FLCN: variants seen among roughly 807,000 people sequenced by gnomAD.
FLCN encodes the protein BHD skin lesion fibrofolliculoma protein.
In FLCN, 22 loss-of-function variants were observed where a neutral mutation model predicts 62.5. The ratio of observed to expected loss-of-function variants is 0.35; its 90% CI spans 0.25 to 0.50. The LOEUF (loss-of-function observed/expected upper bound fraction) is 0.50. FLCN is among the 20% of genes least tolerant of loss of function. FLCN has a pLI of 0.97. For missense variants in FLCN, 657 were observed against 778.0 expected, an observed-to-expected ratio of 0.84 and a Z score of 1.85; for synonymous variants, 319 against 310.0, an observed-to-expected ratio of 1.03 and a Z score of -0.30.
Position 17,219,213 on chromosome 17 carries a change from C to T in FLCN, c.872-4G>A, listed in dbSNP as rs752727873. ...CTTTCTGATTCCTCTTCTAAATCTG[C>T]AAGACAGATGACAAGGACAGTTACA... On this transcript the variant is annotated splice_region_variant and splice_polypyrimidine_tract_variant and intron_variant, in intron 8 of 13. Coordinates refer to ENST00000285071, the MANE Select transcript of FLCN (RefSeq NM_144997.7). 24 of 1,613,714 alleles carry T rather than the reference C, an allele frequency of 1.5e-5. No individual in the cohort carries two copies. The highest frequency in any genetic ancestry group is 2.0e-5 in the Non-Finnish European group (24 of 1,180,000).
chr17:17,228,085 G>C lies in FLCN; in HGVS notation c.53C>G (p.Thr18Ser), dbSNP rs2047314341. 1 of 1,613,604 alleles carries C rather than the reference G, an allele frequency of 6.2e-7. No homozygotes were observed. The highest frequency in any genetic ancestry group is 8.5e-7 in the Non-Finnish European group (1 of 1,180,040). ...CHFCELHGPRTLFCTEVLHAP... is the reference protein window; with the variant it reads ...CHFCELHGPRSLFCTEVLHAP... The stretch of plus-strand genomic sequence containing the variant: ...GTGCAGCACCTCCGTGCAGAAGAGA[G>C]TGCGGGGGCCGTGGAGCTCGCAGAA... Residue 18 changes from threonine (T) to serine (S), a missense_variant, in exon 4 of 14, where the codon ACT becomes AGT. Transcript: ENST00000285071.
Position 17,213,351 on chromosome 17 carries a change from C to T in FLCN, c.*304G>A. On this transcript the variant is annotated 3_prime_UTR_variant, in exon 14 of 14. Coordinates refer to ENST00000285071, the MANE Select transcript of FLCN (RefSeq NM_144997.7). ...CTCCTGCGGGTTTTGAGTCTAAGTC[C>T]ACAAGGGGCCTGGGAGGCAAGCTGT... 1 of 527,488 alleles carries T rather than the reference C, an allele frequency of 1.9e-6. No individual in the cohort carries two copies. Among genetic ancestry groups the T allele is most frequent in the South Asian group, 2.1e-5 (1 of 47,930 alleles). The allele number at this position is 527,488 out of a possible 1,614,324, so 32.7% of individuals were successfully genotyped here. A position where few individuals can be genotyped will look rare whatever the true frequency, so the allele number is the denominator to read the frequency against.
chr17:17,231,218 T>G lies in FLCN; in HGVS notation c.-25+576A>C, dbSNP rs560136774. 2.4e-4 allele frequency among the ~76,000 whole-genome samples: 36 copies of G among 152,240 alleles called. 1 individual carries two copies. The East Asian group carries it at 5.2e-3, about 22-fold the overall frequency. On this transcript the variant is annotated intron_variant, in intron 3 of 13. Coordinates refer to ENST00000285071, the MANE Select transcript of FLCN (RefSeq NM_144997.7). ...GTCTCAAAATAAATAATGAATTAATTAATTAATATATTAGCTAGGACAAAA... is the reference window on the plus strand; with the variant it reads ...GTCTCAAAATAAATAATGAATTAATGAATTAATATATTAGCTAGGACAAAA...
intron 12 of FLCN, 24 bp from the exon 13 acceptor site, chr17:17,215,114 G>A: frequency 6.2e-7 from 1 of 1,613,928 alleles, no homozygotes; most frequent in Non-Finnish European, 8.5e-7. Flanking sequence ...CAGGGGCAGA[G>A]CAAGGGCAGG....
intron 3 of FLCN, among the ~76,000 whole-genome samples, chr17:17,230,405 C>A (rs2047384554): frequency 6.6e-6 from 1 of 152,046 alleles, no homozygotes; most frequent in South Asian, 2.1e-4. Context: ...GTGGTGTGCG[C>A]TGGTAGTCCC....
rs565505709 is a variant in FLCN at position 17,228,199 on chromosome 17, T to A, written c.-24-38A>T. The A allele has an allele frequency of 2.4e-4, 378 of 1,588,618 alleles. 3 individuals carry two copies. The South Asian group carries it at 4.0e-3, about 17-fold the overall frequency. ...GGGGACATGTCAGCTTGCCAATGCC[T>A]ATTGACTCCATGAAACCTCCCCAGC... On this transcript the variant is annotated intron_variant, in intron 3 of 13. Coordinates refer to ENST00000285071, the MANE Select transcript of FLCN (RefSeq NM_144997.7).
chr17:17,214,719 G>A (rs1330767319), intron 13 of FLCN, among the ~76,000 whole-genome samples: 1 of 152,084 alleles, frequency 6.6e-6, no homozygotes, highest in Admixed American at 6.5e-5. Context: ...ACCCTCCTGT[G>A]AGCTTGGAGC....
rs1048712266 is a variant in FLCN, at chr17:17,221,412, G to A, written c.871+125C>T. On this transcript the variant is annotated intron_variant, in intron 8 of 13. Transcript: ENST00000285071. ...AGATCGGAGGGTGAGCTTCCCGAAG[G>A]CTCGTTCTGGGCTGATTCAGAGCCG... is the stretch of plus-strand genomic sequence containing the variant. The A allele has an allele frequency of 3.1e-6, 5 of 1,613,458 alleles. No homozygotes were observed. The East Asian group carries it at 8.9e-5, about 29-fold the overall frequency.
chr17:17,234,591 C>A (rs1396942746), intron 1 of FLCN, among the ~76,000 whole-genome samples: 1 of 151,870 alleles, frequency 6.6e-6, no homozygotes, highest in Non-Finnish European at 1.5e-5. Flanking sequence ...AGCCTGTAAT[C>A]CCAGCACTTT....
intron 9 of FLCN, 58 bp from the exon 10 acceptor site, chr17:17,217,240 T>G: frequency 1.7e-6 from 2 of 1,153,660 alleles, no homozygotes; most frequent in Non-Finnish European, 2.6e-6. Context: ...TTTCTCTCCC[T>G]TCCCATGAAG....
chr17:17,226,224 C>CT lies in FLCN; in HGVS notation c.347dup (p.Leu117AlafsTer16), dbSNP rs776896550. The CT allele has an allele frequency of 1.2e-6, 2 of 1,614,060 alleles. No individual in the cohort carries two copies. Among genetic ancestry groups the CT allele is most frequent in the Non-Finnish European group, 1.7e-6 (2 of 1,180,016 alleles). On this transcript the variant is annotated frameshift_variant, in exon 5 of 14. Transcript: ENST00000285071. LOFTEE classifies it high-confidence loss of function. ...AGGCCTGGCGGACAATGCTGAAGAGCTGGGGGTGGCTGGGGTGCTGGTGGC... is the reference window on the plus strand; with the variant it reads ...AGGCCTGGCGGACAATGCTGAAGAGCTTGGGGGTGGCTGGGGTGCTGGTGGC...
chr17:17,226,099 C>T (rs1229939318), intron 5 of FLCN, 77 bp downstream of exon 5: 1 of 1,596,268 alleles, frequency 6.3e-7, no homozygotes. Flanking sequence ...CTGTGCAATG[C>T]TGGCTCCGAG....
intron 11 of FLCN, among the ~76,000 whole-genome samples, chr17:17,215,667 G>A (rs746777037): frequency 6.6e-6 from 1 of 152,154 alleles, no homozygotes; most frequent in Non-Finnish European, 1.5e-5. Flanking sequence ...TAACCTGCTC[G>A]TAGTGGTAAG....
intron 5 of FLCN, chr17:17,225,041 A>C (rs1278126781): frequency 6.6e-6 from 1 of 152,266 alleles, no homozygotes; most frequent in Non-Finnish European, 1.5e-5. Flanking sequence ...AACTGGGTGG[A>C]CACCAATGAC....
Position 17,222,841 on chromosome 17 carries a change from C to T in FLCN, c.619-180G>A, listed in dbSNP as rs1567818084. 6 of 723,552 alleles carry T rather than the reference C, an allele frequency of 8.3e-6. No individual in the cohort carries two copies. The South Asian group carries it at 9.3e-5, about 11-fold the overall frequency. The allele number at this position is 723,552 out of a possible 1,614,324, so 44.8% of individuals were successfully genotyped here. A position where few individuals can be genotyped will look rare whatever the true frequency, so the allele number is the denominator to read the frequency against. ...TCATTCCCAACAGCATAGCTCTGCC[C>T]CGGCTACATCAGGAGCTATCCGAGA... On this transcript the variant is annotated intron_variant, in intron 6 of 13. Transcript: ENST00000285071.
intron 4 of FLCN, among the ~76,000 whole-genome samples, chr17:17,226,752 GAACT>G (rs1202797337): frequency 1.3e-5 from 2 of 152,148 alleles, no homozygotes; most frequent in East Asian, 1.9e-4. Context: ...CATTGGTTCT[GAACT>G]AACACCTGGA....
chr17:17,227,267 A>G (rs1250378547), intron 4 of FLCN, among the ~76,000 whole-genome samples: 1 of 149,546 alleles, frequency 6.7e-6, no homozygotes, highest in Non-Finnish European at 1.5e-5. Context: ...CGAGAGTTCA[A>G]GAGCTGATGG....
Position 17,227,991 on chromosome 17 carries a change from T to C in FLCN, c.147A>G (p.Glu49=), listed in dbSNP as rs2047308403. 6.2e-7 allele frequency: 1 copy of C among 1,614,002 alleles called. No individual in the cohort carries two copies. The highest frequency in any genetic ancestry group is 1.3e-5 in the African/African-American group (1 of 74,956). The change falls in exon 4 of 14, where the codon GAA becomes GAG. Residue 49 remains glutamate, a synonymous_variant. Transcript: ENST00000285071. The stretch of plus-strand genomic sequence containing the variant: ...TCCGACTGTTCATCTGAATGCCACC[T>C]TCCTCTTCTTCCGCCTGCTCACCCT... ...PGQGEQAEEE[E]GGIQMNSRMR... is the part of the protein sequence containing the mutation.
Position 17,213,048 on chromosome 17 carries a change from A to T in FLCN, c.*607T>A. 4.1e-6 allele frequency: 1 copy of T among 242,196 alleles called. No homozygotes were observed. Among genetic ancestry groups the T allele is most frequent in the Non-Finnish European group, 8.2e-6 (1 of 122,606 alleles). 15.0% of individuals were successfully genotyped at this position (242,196 alleles called of 1,614,324 possible). A position where few individuals can be genotyped will look rare whatever the true frequency, so the allele number is the denominator to read the frequency against. On this transcript the variant is annotated 3_prime_UTR_variant, in exon 14 of 14. Transcript: ENST00000285071. ...CCTTCACCAGCACCTGCAGGGGAAC[A>T]CCCCAGAAGACGAGCCCCATGGCTT...
Sources: allele counts gnomAD v4.1 joint callset (sites outside exome capture counted in the v4.1 genomes callset), GRCh38; gene constraint gnomAD v4.1.1; transcripts MANE v1.5; gene names NCBI Gene and HGNC (gene_info 2026-07-23, HGNC 2026-07-21).